Variants in ANKRD12 observed in about 807,000 individuals in gnomAD.
ANKRD12 encodes the protein ankyrin repeat domain-containing protein 12.
ANKRD12 carries 85 observed loss-of-function variants against 183.4 expected under a neutral mutation model. The observed-to-expected ratio is 0.46, with a 90% CI of 0.39 to 0.56. ANKRD12 has a LOEUF of 0.56. ANKRD12 is among the 20% of genes least tolerant of loss of function. The probability of loss-of-function intolerance (pLI) is 0.00; values close to 1 mark genes in which losing one functional copy is unlikely to be tolerated. For synonymous variants in ANKRD12, 914 were observed against 800.2 expected, an observed-to-expected ratio of 1.14 and a Z score of -2.40; for missense variants, 2,405 against 2,357.1, an observed-to-expected ratio of 1.02 and a Z score of -0.42.
chr18:9,149,819 G>A (rs112243254), intron 1 of ANKRD12, among the ~76,000 whole-genome samples: 14 of 134,686 alleles, frequency 1.0e-4, no homozygotes, highest in Non-Finnish European at 1.4e-4. Flanking sequence ...TTTTTGAGAC[G>A]GAGTCTCACT....
At chr18:9,166,747 T>A (rs1212317849) in intron 1 of ANKRD12, among the ~76,000 whole-genome samples, 1 of 152,192 alleles carries the variant, frequency 6.6e-6, no homozygotes, top group Non-Finnish European at 1.5e-5. Context: ...CAATTTTGGC[T>A]TTTGTTGCCA....
chr18:9,141,471 G>A (rs1009525816), intron 1 of ANKRD12, among the ~76,000 whole-genome samples: 1 of 152,164 alleles, frequency 6.6e-6, no homozygotes, highest in Admixed American at 6.5e-5. Flanking sequence ...TTAGAAAACA[G>A]TATCCAAGAC....
chr18:9,233,039 CAG>C lies in ANKRD12; in HGVS notation c.943+11041_943+11042del, dbSNP rs539661272. Among the ~76,000 whole-genome samples the C allele has an allele frequency of 2.1e-3, 318 of 151,980 alleles. 2 individuals carry two copies. The highest frequency in any genetic ancestry group is 0.011 in the South Asian group (52 of 4,814). The stretch of plus-strand genomic sequence containing the variant: ...TAATTTCTTGCATTTTTTAAAGAGA[CAG>C]GGGTTTCACCATGTTGGCCAGGCTG... On this transcript the variant is annotated intron_variant, in intron 8 of 12. Transcript: ENST00000262126.
intron 1 of ANKRD12, among the ~76,000 whole-genome samples, chr18:9,152,307 C>A (rs1304149312): frequency 1.3e-5 from 2 of 152,130 alleles, no homozygotes; most frequent in Non-Finnish European, 2.9e-5. Context: ...TAAAAAGATA[C>A]CTTTAGTGTG....
At chr18:9,192,968 G>T (rs370131757) in intron 2 of ANKRD12, among the ~76,000 whole-genome samples, 1 of 151,962 alleles carries the variant, frequency 6.6e-6, no homozygotes, top group East Asian at 1.9e-4. Context: ...ACAGATTTTA[G>T]CCACTGCACC....
At chr18:9,202,601 G>A (rs371260953) in intron 3 of ANKRD12, among the ~76,000 whole-genome samples, 3 of 152,068 alleles carry the variant, frequency 2.0e-5, no homozygotes, top group Non-Finnish European at 4.4e-5. Context: ...TAAAAAGATT[G>A]GTTTTAAAAT....
At chr18:9,267,159 A>G (rs963132035) in intron 10 of ANKRD12, among the ~76,000 whole-genome samples, 1 of 152,054 alleles carries the variant, frequency 6.6e-6, no homozygotes, top group African/African-American at 2.4e-5. Flanking sequence ...TTCCCACACA[A>G]TAATACTAAT....
At chr18:9,243,766 G>C (rs145464271) in intron 8 of ANKRD12, among the ~76,000 whole-genome samples, 94 of 152,310 alleles carry the variant, frequency 6.2e-4, no homozygotes, top group African/African-American at 2.2e-3. Context: ...TGAGGAAAAT[G>C]GTTTTTAAAA....
chr18:9,259,147 G>T (rs531207355), intron 9 of ANKRD12, among the ~76,000 whole-genome samples: 1 of 152,240 alleles, frequency 6.6e-6, no homozygotes, highest in Admixed American at 6.5e-5. Context: ...GAAATAATAT[G>T]TAGTGACATA....
chr18:9,224,532 C>G (rs1161318320), intron 8 of ANKRD12, among the ~76,000 whole-genome samples: 1 of 151,856 alleles, frequency 6.6e-6, no homozygotes, highest in Non-Finnish European at 1.5e-5. Context: ...TAAAAACTGC[C>G]CGATAAAATT....
At chr18:9,172,035 A>AC (rs1329493463) in intron 1 of ANKRD12, among the ~76,000 whole-genome samples, 6 of 151,498 alleles carry the variant, frequency 4.0e-5, no homozygotes, top group Admixed American at 3.3e-4. Flanking sequence ...CAAAAAAAAA[A>AC]AAAAACGAAT....
intron 5 of ANKRD12, among the ~76,000 whole-genome samples, chr18:9,209,989 C>CT (rs1225423536): frequency 1.3e-5 from 2 of 151,930 alleles, no homozygotes; most frequent in African/African-American, 4.8e-5. Flanking sequence ...AAATACGTAT[C>CT]TTTTGTTATG....
At chr18:9,188,377 C>T (rs1437569461) in intron 2 of ANKRD12, among the ~76,000 whole-genome samples, 1 of 152,180 alleles carries the variant, frequency 6.6e-6, no homozygotes, top group East Asian at 1.9e-4. Context: ...GAGACACTAC[C>T]TCTGTCTTTC....
Position 9,172,601 on chromosome 18 carries a change from A to G in ANKRD12, c.-51-9781A>G, listed in dbSNP as rs552443540. ...AGTTATGCTCCTCTCTAAACTGGCT[A>G]TACTGCTTAGAAGCTCCTCCATTTT... On this transcript the variant is annotated intron_variant, in intron 1 of 12. Coordinates refer to ENST00000262126, the MANE Select transcript of ANKRD12 (RefSeq NM_015208.5). Among the ~76,000 whole-genome samples the G allele has an allele frequency of 4.2e-4, 64 of 152,294 alleles. 1 individual carries two copies. In the South Asian group the frequency reaches 0.013, roughly 31 times the overall value.
intron 1 of ANKRD12, among the ~76,000 whole-genome samples, chr18:9,157,189 T>C (rs541411874): frequency 6.6e-6 from 1 of 152,316 alleles, no homozygotes; most frequent in Admixed American, 6.5e-5. Context: ...ATACACCTAG[T>C]CTACTGAACA....
At chr18:9,250,402 G>A (rs2038220108) in intron 8 of ANKRD12, among the ~76,000 whole-genome samples, 1 of 152,106 alleles carries the variant, frequency 6.6e-6, no homozygotes, top group Admixed American at 6.5e-5. Flanking sequence ...AGTAGTAGTG[G>A]GAATAGAGAG....
chr18:9,160,056 G>A (rs1235180001), intron 1 of ANKRD12, among the ~76,000 whole-genome samples: 1 of 152,022 alleles, frequency 6.6e-6, no homozygotes, highest in Non-Finnish European at 1.5e-5. Flanking sequence ...GATCACTTGA[G>A]CTCAGGAGTT....
rs766734820 is a variant in ANKRD12, at chr18:9,257,189, C to A, written c.3922C>A (p.Arg1308=). ...CGAGGGGAGACCTACCATAGAAGTT[C>A]GAAGATGTAGCATGCCTTCTGTCAT... ...ISEGRPTIEV[R]RCSMPSVICE... Residue 1308 remains arginine, a synonymous_variant, in exon 9 of 13, where the codon CGA becomes AGA. Transcript: ENST00000262126. 1.8e-5 allele frequency: 29 copies of A among 1,613,960 alleles called. No individual in the cohort carries two copies. Among genetic ancestry groups the A allele is most frequent in the Non-Finnish European group, 2.4e-5 (28 of 1,179,980 alleles).
chr18:9,206,744 A>T (rs1214662494), intron 4 of ANKRD12, among the ~76,000 whole-genome samples: 1 of 152,096 alleles, frequency 6.6e-6, no homozygotes, highest in African/African-American at 2.4e-5. Context: ...ATTTGGCAGC[A>T]TGGCATTCTA....
Sources: gnomAD v4.1 joint callset for allele counts (sites outside exome capture counted in the v4.1 genomes callset) on GRCh38, gnomAD v4.1.1 for gene constraint, MANE v1.5 for transcripts, NCBI Gene and HGNC (gene_info 2026-07-23, HGNC 2026-07-21) for gene names.